Variants in RGS6 observed in about 807,000 individuals in gnomAD.
The protein encoded by RGS6 is regulator of G-protein signaling 6.
Under a neutral mutation model 78.5 loss-of-function variants are expected in RGS6, and 30 were observed. That is an observed-to-expected ratio of 0.38 (90% CI 0.29 to 0.52). The LOEUF (loss-of-function observed/expected upper bound fraction) is 0.52, where lower values mean the gene tolerates loss of function less well. Among genes scored for constraint, RGS6 ranks in the 20% least tolerant of loss-of-function variants. The pLI, the probability that RGS6 is intolerant of heterozygous loss-of-function variation, is 0.85. For missense variants in RGS6, 495 were observed against 609.7 expected (o/e 0.81, Z 1.98); for synonymous variants, 206 against 206.0 (o/e 1.00, Z 0.00).
At chr14:72,367,022 T>C (rs2082572638) in intron 3 of RGS6, among the ~76,000 whole-genome samples, 1 of 152,182 alleles carries the variant, frequency 6.6e-6, no homozygotes. Context: ...TAGTCTCACT[T>C]ATTCTTGCAG....
intron 2 of RGS6, among the ~76,000 whole-genome samples, chr14:72,253,785 C>T (rs142728708): frequency 1.1e-4 from 16 of 152,306 alleles, no homozygotes; most frequent in African/African-American, 3.8e-4. Context: ...CATCGGCCAA[C>T]CTATGCTGGA....
At chr14:72,523,309 C>A (rs549992673) in intron 15 of RGS6, among the ~76,000 whole-genome samples, 5 of 152,138 alleles carry the variant, frequency 3.3e-5, no homozygotes, top group Non-Finnish European at 5.9e-5. Context: ...CTAGAATTAT[C>A]CATTTAAGTT....
intron 2 of RGS6, among the ~76,000 whole-genome samples, chr14:72,095,394 G>A (rs974795261): frequency 6.6e-6 from 1 of 152,090 alleles, no homozygotes; most frequent in African/African-American, 2.4e-5. Flanking sequence ...TTATCGTTGG[G>A]CTTATTGTCT....
chr14:71,928,435 A>G (rs2087750017), upstream of RGS6, among the ~76,000 whole-genome samples: 1 of 152,230 alleles, frequency 6.6e-6, no homozygotes, highest in African/African-American at 2.4e-5. Context: ...CAGCTGTCAA[A>G]TGTCATGAAT....
chr14:72,320,314 A>G (rs2071544104), intron 2 of RGS6, among the ~76,000 whole-genome samples: 1 of 152,046 alleles, frequency 6.6e-6, no homozygotes, highest in East Asian at 1.9e-4. Flanking sequence ...CGTGGTGGCT[A>G]ACACCTGTAA....
chr14:72,555,949 T>G (rs1461809258), intron 17 of RGS6, among the ~76,000 whole-genome samples: 1 of 152,204 alleles, frequency 6.6e-6, no homozygotes, highest in Non-Finnish European at 1.5e-5. Context: ...GCCTGAGTGA[T>G]TTGAAGAACA....
chr14:72,084,817 A>G (rs1237757837), intron 2 of RGS6, among the ~76,000 whole-genome samples: 1 of 152,140 alleles, frequency 6.6e-6, no homozygotes, highest in Non-Finnish European at 1.5e-5. Context: ...CTCAGTGTAT[A>G]GTATTGTGGC....
At chr14:72,399,167 A>ATTATTGT (rs1222222300) in intron 3 of RGS6, among the ~76,000 whole-genome samples, 1 of 129,070 alleles carries the variant, frequency 7.7e-6, no homozygotes, top group Admixed American at 8.1e-5. Flanking sequence ...AAGTCTCCCA[A>ATTATTGT]GTCTCTTTGT....
Position 72,540,085 on chromosome 14 carries a change from T to C in RGS6, c.1413T>C (p.Thr471=). The C allele has an allele frequency of 1.3e-6, 2 of 1,590,466 alleles. No homozygotes were observed. Among genetic ancestry groups the C allele is most frequent in the Non-Finnish European group, 1.7e-6 (2 of 1,177,482 alleles). Residue 471 remains threonine, a synonymous_variant, in exon 17 of 18, where the codon ACT becomes ACC. Transcript: ENST00000553525. The stretch of plus-strand genomic sequence containing the variant: ...GTAGAACTTCCCTAGAAAAGTTCAC[T>C]CGCAGTGTGGTAAGTTCAGTCGGTT... ...QGRRTSLEKF[T]RSVGKSLAGK... is the part of the protein sequence containing the mutation.
At chr14:72,005,718 G>A (rs929610747) in intron 2 of RGS6, among the ~76,000 whole-genome samples, 3 of 151,912 alleles carry the variant, frequency 2.0e-5, no homozygotes, top group African/African-American at 7.3e-5. Context: ...AGGGTCCTTT[G>A]GATAGCATTT....
intron 2 of RGS6, among the ~76,000 whole-genome samples, chr14:72,299,694 C>T (rs907719204): frequency 6.6e-6 from 1 of 152,184 alleles, no homozygotes; most frequent in African/African-American, 2.4e-5. Context: ...GAAGTAGAAA[C>T]TCATTTTGCT....
chr14:72,452,474 C>G (rs1295430560), intron 3 of RGS6, among the ~76,000 whole-genome samples: 1 of 152,156 alleles, frequency 6.6e-6, no homozygotes, highest in East Asian at 1.9e-4. Context: ...CTGCCATGGA[C>G]CCAGAGAGAA....
At chr14:72,171,969 A>G (rs942933926) in intron 2 of RGS6, among the ~76,000 whole-genome samples, 2 of 152,096 alleles carry the variant, frequency 1.3e-5, no homozygotes, top group African/African-American at 4.8e-5. Context: ...TCTTAACCAC[A>G]CTGCTCTCCT....
the RGS6 span, among the ~76,000 whole-genome samples, chr14:72,586,109 C>G: frequency 9.9e-5 from 15 of 152,202 alleles, no homozygotes; most frequent in Non-Finnish European, 2.2e-4. Flanking sequence ...CCCACTGACT[C>G]CTCTGTCCTG....
chr14:72,092,674 G>A (rs546903224), intron 2 of RGS6, among the ~76,000 whole-genome samples: 158 of 152,274 alleles, frequency 1.0e-3, no homozygotes, highest in African/African-American at 3.5e-3. Context: ...GAACCATTGC[G>A]CCTGGCCTCA....
chr14:72,109,320 T>G (rs572464176), intron 2 of RGS6, among the ~76,000 whole-genome samples: 173 of 152,302 alleles, frequency 1.1e-3, no homozygotes, highest in African/African-American at 4.1e-3. Context: ...TGTCCATTAA[T>G]TTTTGAACAT....
At chr14:72,124,956 T>G (rs999862708) in intron 2 of RGS6, among the ~76,000 whole-genome samples, 1 of 152,226 alleles carries the variant, frequency 6.6e-6, no homozygotes, top group Admixed American at 6.5e-5. Flanking sequence ...TGAGGCTGTT[T>G]CATATAATGG....
chr14:71,952,251 T>C (rs1045043562), intron 1 of RGS6, among the ~76,000 whole-genome samples: 2 of 152,212 alleles, frequency 1.3e-5, no homozygotes, highest in African/African-American at 4.8e-5. Context: ...TAAATATTTC[T>C]GTAAGTGTTT....
At chr14:72,567,257 C>T (rs1428940950), downstream of RGS6, among the ~76,000 whole-genome samples, 1 of 152,176 alleles carries the variant, frequency 6.6e-6, no homozygotes, top group Non-Finnish European at 1.5e-5. Context: ...TTCTGCCCCA[C>T]AGAGTTAAGA....
Sources: gnomAD v4.1 joint callset for allele counts (sites outside exome capture counted in the v4.1 genomes callset) on GRCh38, gnomAD v4.1.1 for gene constraint, MANE v1.5 for transcripts, NCBI Gene and HGNC (gene_info 2026-07-23, HGNC 2026-07-21) for gene names.